The following SGCD variants were observed in gnomAD, a reference collection of about 807,000 sequenced individuals.
SGCD encodes the protein delta-sarcoglycan.
In SGCD, 18 loss-of-function variants were observed where a neutral mutation model predicts 36.6. The ratio of observed to expected loss-of-function variants is 0.49; its 90% CI spans 0.34 to 0.73. The LOEUF (loss-of-function observed/expected upper bound fraction) is 0.73, where lower values mean the gene tolerates loss of function less well. SGCD is among the 30% of genes least tolerant of loss of function. SGCD has a pLI of 0.01. For synonymous variants in SGCD, 133 were observed against 130.6 expected (o/e 1.02, Z -0.12); for missense variants, 387 against 346.7 (o/e 1.12, Z -0.92).
At chr5:156,210,709 T>A (rs1346426418) in intron 3 of SGCD, among the ~76,000 whole-genome samples, 1 of 151,040 alleles carries the variant, frequency 6.6e-6, no homozygotes, top group Non-Finnish European at 1.5e-5. Context: ...GCAAAATTAA[T>A]CAAGCAGAAG....
the SGCD span, among the ~76,000 whole-genome samples, chr5:155,823,915 C>A: frequency 6.6e-6 from 1 of 152,122 alleles, no homozygotes; most frequent in South Asian, 2.1e-4. Flanking sequence ...CAGATTACCG[C>A]ATGAGGACAG....
chr5:156,458,437 C>G, intron 3 of SGCD: 7 of 1,610,054 alleles, frequency 4.3e-6, no homozygotes, highest in Non-Finnish European at 5.9e-6. Context: ...ATCTGAGGGT[C>G]AAACCCTGAT....
intron 1 of SGCD, among the ~76,000 whole-genome samples, chr5:155,970,355 C>A (rs1757984122): frequency 6.6e-6 from 1 of 152,046 alleles, no homozygotes; most frequent in African/African-American, 2.4e-5. Flanking sequence ...TTTATTAGGG[C>A]ATTTATATAC....
intron 3 of SGCD, among the ~76,000 whole-genome samples, chr5:156,424,594 A>G (rs1773582153): frequency 6.6e-6 from 1 of 152,084 alleles, no homozygotes; most frequent in South Asian, 2.1e-4. Flanking sequence ...GATGGCAGAG[A>G]TAAATACATT....
chr5:155,966,086 A>T (rs1581016343), intron 1 of SGCD, among the ~76,000 whole-genome samples: 1 of 152,116 alleles, frequency 6.6e-6, no homozygotes, highest in South Asian at 2.1e-4. Context: ...GAATGCACTC[A>T]TTAAAACACA....
intron 1 of SGCD, among the ~76,000 whole-genome samples, chr5:156,099,092 CCTT>C (rs1761453976): frequency 6.6e-6 from 1 of 152,202 alleles, no homozygotes; most frequent in Non-Finnish European, 1.5e-5. Flanking sequence ...ATCTGCATAG[CCTT>C]CTTCTTTTTG....
the SGCD span, among the ~76,000 whole-genome samples, chr5:155,765,689 G>C: frequency 6.6e-6 from 1 of 152,032 alleles, no homozygotes; most frequent in Non-Finnish European, 1.5e-5. Flanking sequence ...TTGGATAATC[G>C]TTAAACCTCC....
intron 4 of SGCD, among the ~76,000 whole-genome samples, chr5:156,551,444 C>T (rs559642068): frequency 1.1e-4 from 17 of 152,136 alleles, no homozygotes; most frequent in East Asian, 1.9e-4. Context: ...CTCACAATCA[C>T]GATCCAGTAC....
the SGCD span, among the ~76,000 whole-genome samples, chr5:155,770,071 C>T: frequency 0.88 from 133,713 of 152,076 alleles, 58,868 homozygotes; most frequent in East Asian, 0.99. Context: ...CCTTTTCTCA[C>T]GCATTCATTC....
intron 5 of SGCD, among the ~76,000 whole-genome samples, chr5:156,592,463 C>T (rs1262391729): frequency 1.3e-5 from 2 of 152,182 alleles, no homozygotes; most frequent in Admixed American, 6.5e-5. Flanking sequence ...CCAAATCCCT[C>T]ATTGGACATC....
intron 1 of SGCD, among the ~76,000 whole-genome samples, chr5:155,980,657 A>G (rs893452055): frequency 1.4e-5 from 2 of 141,204 alleles, no homozygotes; most frequent in African/African-American, 5.2e-5. Flanking sequence ...CTGATAGCAT[A>G]GACATCTCTG....
At chr5:155,932,366 G>C (rs1757115223) in intron 1 of SGCD, among the ~76,000 whole-genome samples, 1 of 152,172 alleles carries the variant, frequency 6.6e-6, no homozygotes, top group Non-Finnish European at 1.5e-5. Flanking sequence ...TAGCAAGCTT[G>C]ACTCTGGACA....
intron 3 of SGCD, among the ~76,000 whole-genome samples, chr5:156,171,073 G>A (rs1763333939): frequency 6.6e-6 from 1 of 152,066 alleles, no homozygotes; most frequent in South Asian, 2.1e-4. Context: ...CACATTAAAA[G>A]TTGTGTCTTT....
At chr5:155,741,661 G>A in the SGCD span, among the ~76,000 whole-genome samples, 1 of 149,100 alleles carries the variant, frequency 6.7e-6, no homozygotes, top group Non-Finnish European at 1.5e-5. Context: ...CCTGAAGTAG[G>A]TTTCTTTTTG....
intron 1 of SGCD, among the ~76,000 whole-genome samples, chr5:155,983,019 G>C (rs1200630319): frequency 6.6e-6 from 1 of 152,134 alleles, no homozygotes; most frequent in African/African-American, 2.4e-5. Context: ...TAATAGTGGA[G>C]AGAAAAGAAA....
chr5:156,314,392 A>T (rs1767462162), intron 3 of SGCD, among the ~76,000 whole-genome samples: 1 of 152,074 alleles, frequency 6.6e-6, no homozygotes. Flanking sequence ...TAAGATTAAG[A>T]TTTATGAGTC....
the SGCD span, among the ~76,000 whole-genome samples, chr5:155,779,327 G>T: frequency 6.6e-6 from 1 of 151,988 alleles, no homozygotes; most frequent in African/African-American, 2.4e-5. Flanking sequence ...GCTCCCATCT[G>T]CTTGGAAGGC....
chr5:156,693,577 A>T (rs1278599755), intron 7 of SGCD, among the ~76,000 whole-genome samples: 1 of 152,192 alleles, frequency 6.6e-6, no homozygotes, highest in Non-Finnish European at 1.5e-5. Flanking sequence ...TTAAATATTT[A>T]AAATGTTGGG....
At chr5:156,250,568 G>C (rs994549685) in intron 3 of SGCD, among the ~76,000 whole-genome samples, 1 of 152,082 alleles carries the variant, frequency 6.6e-6, no homozygotes, top group Non-Finnish European at 1.5e-5. Context: ...AGTTTGCTTT[G>C]GGGATAAAAA....
Sources: gnomAD v4.1 joint callset for allele counts (sites outside exome capture counted in the v4.1 genomes callset) on GRCh38, gnomAD v4.1.1 for gene constraint, MANE v1.5 for transcripts, NCBI Gene and HGNC (gene_info 2026-07-23, HGNC 2026-07-21) for gene names.